Variants in P2RX3 observed in about 807,000 individuals in gnomAD.
P2RX3 encodes P2X purinoceptor 3.
In P2RX3, 41 loss-of-function variants were observed where a neutral mutation model predicts 51.5. The ratio of observed to expected loss-of-function variants is 0.80; its 90% CI spans 0.62 to 1.03. The LOEUF (loss-of-function observed/expected upper bound fraction) is 1.03. P2RX3 is among the 50% of genes least tolerant of loss of function. P2RX3 has a pLI of 0.00. For synonymous variants in P2RX3, 185 were observed against 191.6 expected, an observed-to-expected ratio of 0.97 and a Z score of 0.29; for missense variants, 459 against 522.1, an observed-to-expected ratio of 0.88 and a Z score of 1.18.
upstream of P2RX3, among the ~76,000 whole-genome samples, chr11:57,336,598 C>T (rs1019160365): frequency 2.6e-5 from 4 of 152,094 alleles, no homozygotes; most frequent in African/African-American, 9.7e-5. Context: ...AAACTGAGAC[C>T]CAAAGGGGAG....
chr11:57,371,259 G>T lies in P2RX3; in HGVS notation c.*1262G>T, dbSNP rs1856881622. Among the ~76,000 whole-genome samples, 1 of 152,242 alleles carries T rather than the reference G, an allele frequency of 6.6e-6. No individual in the cohort carries two copies. Among genetic ancestry groups the T allele is most frequent in the African/African-American group, 2.4e-5 (1 of 41,464 alleles). ...AGGCCCAGAAATTGCCCCAGGGCAG[G>T]GCTCTGGGGCAGAACCAGGTTTTGT... On this transcript the variant is annotated 3_prime_UTR_variant, in exon 12 of 12. Transcript: ENST00000263314.
At chr11:57,347,209 G>C in intron 3 of P2RX3, 22 bp downstream of exon 3, 1 of 1,610,682 alleles carries the variant, frequency 6.2e-7, no homozygotes, top group South Asian at 1.1e-5. Context: ...ACAGAGGTTG[G>C]GTGAAGCAGG....
intron 1 of P2RX3, 151 bp from the exon 2 acceptor site, chr11:57,346,393 G>T (rs1856431520): frequency 8.3e-6 from 7 of 842,254 alleles, no homozygotes; most frequent in Admixed American, 8.2e-5. Flanking sequence ...TCAACCAAGG[G>T]CTCACTCTAG....
chr11:57,348,308 C>A, intron 5 of P2RX3, 45 bp downstream of exon 5: 2 of 1,515,572 alleles, frequency 1.3e-6, no homozygotes, highest in Non-Finnish European at 1.8e-6. Context: ...CCCACCTCAG[C>A]TCCCCTTTGC....
Position 57,372,041 on chromosome 11 carries a change from G to T in P2RX3, c.*2044G>T, listed in dbSNP as rs1194523534. Among the ~76,000 whole-genome samples, 3 of 152,186 alleles carry T rather than the reference G, an allele frequency of 2.0e-5. No homozygotes were observed. The highest frequency in any genetic ancestry group is 7.2e-5 in the African/African-American group (3 of 41,436). On this transcript the variant is annotated 3_prime_UTR_variant, in exon 12 of 12. Coordinates refer to ENST00000263314, the MANE Select transcript of P2RX3 (RefSeq NM_002559.5). ...ACCACTTCTGTGTGCTAGATGTAGG[G>T]TTAATATCAGTAGTGATAAAAACAG...
chr11:57,357,024 A>C (rs1468546237), intron 8 of P2RX3, among the ~76,000 whole-genome samples: 1 of 152,158 alleles, frequency 6.6e-6, no homozygotes, highest in Non-Finnish European at 1.5e-5. Flanking sequence ...CTGAAGAGAG[A>C]ACATTTTAGA....
Position 57,358,703 on chromosome 11 carries a change from G to C in P2RX3, c.842+7805G>C, listed in dbSNP as rs564460888. On this transcript the variant is annotated intron_variant, in intron 8 of 11. Transcript: ENST00000263314. ...ATGTGTGGGTGTCTGAGGAAGGGCTGTGGAAATTTGGGCTGCTGAAGCATG... is the reference window on the plus strand; with the variant it reads ...ATGTGTGGGTGTCTGAGGAAGGGCTCTGGAAATTTGGGCTGCTGAAGCATG... Among the ~76,000 whole-genome samples, 3 of 152,256 alleles carry C rather than the reference G, an allele frequency of 2.0e-5. No individual in the cohort carries two copies. In the South Asian group the frequency reaches 6.2e-4, roughly 32 times the overall value.
intron 8 of P2RX3, among the ~76,000 whole-genome samples, chr11:57,367,458 C>A (rs1856813955): frequency 6.6e-6 from 1 of 152,202 alleles, no homozygotes. Flanking sequence ...CGGTGGCTCA[C>A]CCCTATAATC....
chr11:57,338,682 C>T lies in P2RX3; in HGVS notation c.119+13C>T, dbSNP rs1301534408. The T allele has an allele frequency of 5.1e-6, 8 of 1,555,386 alleles. No individual in the cohort carries two copies. Among genetic ancestry groups the T allele is most frequent in the Non-Finnish European group, 7.1e-6 (8 of 1,132,904 alleles). On this transcript the variant is annotated intron_variant, in intron 1 of 11. Coordinates refer to ENST00000263314, the MANE Select transcript of P2RX3 (RefSeq NM_002559.5). ...CCTACTTTGTAGGGTGAGTCTGTGG[C>T]CTTTCAGGTTCCTGGCGGGGTGGGC...
chr11:57,366,251 C>T (rs138384102), intron 8 of P2RX3, among the ~76,000 whole-genome samples: 80 of 152,320 alleles, frequency 5.3e-4, no homozygotes, highest in African/African-American at 1.8e-3. Flanking sequence ...AAGACTGATG[C>T]GATTTGAATC....
chr11:57,338,341 G>A (rs1240043736), upstream of P2RX3: 6 of 424,452 alleles, frequency 1.4e-5, no homozygotes, highest in South Asian at 1.1e-4. Context: ...GGGGTCCCCC[G>A]CCCTGGTCCT....
chr11:57,363,807 G>A (rs1199139649), intron 8 of P2RX3, among the ~76,000 whole-genome samples: 1 of 152,144 alleles, frequency 6.6e-6, no homozygotes, highest in Admixed American at 6.5e-5. Flanking sequence ...TGCAGCCTGG[G>A]CCCACACTCC....
intron 7 of P2RX3, chr11:57,350,215 T>G: frequency 8.4e-6 from 3 of 357,914 alleles, no homozygotes; most frequent in Middle Eastern, 8.8e-4. Flanking sequence ...CTGTGGCCAC[T>G]TTCTCCTGTG....
upstream of P2RX3, among the ~76,000 whole-genome samples, chr11:57,337,802 G>A (rs1328840566): frequency 6.6e-6 from 1 of 152,250 alleles, no homozygotes; most frequent in African/African-American, 2.4e-5. Flanking sequence ...TGCACGTTGT[G>A]CAGGTTTACC....
intron 8 of P2RX3, among the ~76,000 whole-genome samples, chr11:57,356,580 C>T (rs1030346673): frequency 6.6e-5 from 10 of 152,208 alleles, no homozygotes; most frequent in African/African-American, 2.2e-4. Context: ...GGAGATTTGG[C>T]GCCTGTCCTG....
At chr11:57,368,824 C>T (rs1192492177) in intron 10 of P2RX3, among the ~76,000 whole-genome samples, 3 of 152,156 alleles carry the variant, frequency 2.0e-5, no homozygotes, top group Non-Finnish European at 4.4e-5. Context: ...TCCACCCTTC[C>T]ACCCCACGCA....
chr11:57,369,733 G>T (rs1002197758), intron 11 of P2RX3, 151 bp from the exon 12 acceptor site: 20 of 669,328 alleles, frequency 3.0e-5, no homozygotes, highest in Non-Finnish European at 4.8e-5. Context: ...TGCCCTCGGG[G>T]TACATGGGAG....
intron 8 of P2RX3, among the ~76,000 whole-genome samples, chr11:57,363,891 T>G (rs1856758286): frequency 6.6e-6 from 1 of 152,152 alleles, no homozygotes; most frequent in Admixed American, 6.5e-5. Flanking sequence ...GGGTGGGTGG[T>G]TGGTGAGATA....
chr11:57,340,036 G>C (rs560481482), intron 1 of P2RX3, among the ~76,000 whole-genome samples: 182 of 152,328 alleles, frequency 1.2e-3, no homozygotes, highest in African/African-American at 3.7e-3. Context: ...CCAATGTTGA[G>C]GTTTTGTGAG....
Sources: gnomAD v4.1 joint callset for allele counts (sites outside exome capture counted in the v4.1 genomes callset) on GRCh38, gnomAD v4.1.1 for gene constraint, MANE v1.5 for transcripts, NCBI Gene and HGNC (gene_info 2026-07-23, HGNC 2026-07-21) for gene names.